Variants in RASAL2 observed in about 807,000 individuals in gnomAD.
RASAL2 encodes RAS protein activator like 2, also known as ras GTPase-activating protein nGAP.
RASAL2 carries 58 observed loss-of-function variants against 128.9 expected under a neutral mutation model. The ratio of observed to expected loss-of-function variants is 0.45; its 90% CI spans 0.36 to 0.56. RASAL2 has a LOEUF of 0.56. RASAL2 is among the 20% of genes least tolerant of loss of function. The pLI is 0.00. For missense variants in RASAL2, 1,360 were observed against 1,601.6 expected (o/e 0.85, Z 2.57); for synonymous variants, 561 against 580.8 (o/e 0.97, Z 0.49).
intron 1 of RASAL2, among the ~76,000 whole-genome samples, chr1:178,227,642 C>G (rs78148234): frequency 0.058 from 8,750 of 152,170 alleles, 294 homozygotes; most frequent in South Asian, 0.077. Flanking sequence ...GGTAGGTGCT[C>G]AATAACTATT....
intron 3 of RASAL2, among the ~76,000 whole-genome samples, chr1:178,311,516 A>G (rs1393492486): frequency 2.6e-5 from 4 of 152,044 alleles, no homozygotes; most frequent in African/African-American, 4.8e-5. Flanking sequence ...CCACCTTAGT[A>G]TAAGACTCCA....
rs1166647419 is a variant in RASAL2, at chr1:178,120,560, A to G, written c.202+25866A>G. The stretch of plus-strand genomic sequence containing the variant: ...TGCGGCTGTACCATTGATGTACATC[A>G]ACTCACTGTCACTATAAAGCCTGCC... On this transcript the variant is annotated intron_variant, in intron 1 of 17. Transcript: ENST00000367649. Among the ~76,000 whole-genome samples, 2 of 152,188 alleles carry G rather than the reference A, an allele frequency of 1.3e-5. 1 individual carries two copies. Among genetic ancestry groups the G allele is most frequent in the Admixed American group, 1.3e-4 (2 of 15,280 alleles).
rs779804443 is a variant in RASAL2, at chr1:178,445,668, A to G, written c.1627+6A>G. 1 of 1,598,790 alleles carries G rather than the reference A, an allele frequency of 6.3e-7. No individual in the cohort carries two copies. Among genetic ancestry groups the G allele is most frequent in the East Asian group, 2.2e-5 (1 of 44,606 alleles). On this transcript the variant is annotated splice_donor_region_variant and intron_variant, in intron 9 of 17. Coordinates refer to ENST00000367649, the MANE Select transcript of RASAL2 (RefSeq NM_170692.4). ...GTATCTTCATGACGCACTGGGTATG[A>G]AAGAGAAAAACATCTATTTTCTTTT...
At chr1:178,173,901 C>CTTT (rs201900537) in intron 1 of RASAL2, among the ~76,000 whole-genome samples, 1 of 34,034 alleles carries the variant, frequency 2.9e-5, no homozygotes, top group Non-Finnish European at 9.4e-5. Flanking sequence ...GAAAAACAAG[C>CTTT]TTTTTTTTTT....
At chr1:178,418,380 G>A (rs1391771302) in intron 4 of RASAL2, among the ~76,000 whole-genome samples, 4 of 152,150 alleles carry the variant, frequency 2.6e-5, no homozygotes, top group Non-Finnish European at 2.9e-5. Context: ...AGGTGGAAGT[G>A]AATCATAAAG....
Position 178,457,828 on chromosome 1 carries a change from C to A in RASAL2, c.2536C>A (p.Arg846=). The A allele has an allele frequency of 6.2e-7, 1 of 1,614,172 alleles. No individual in the cohort carries two copies. The highest frequency in any genetic ancestry group is 8.5e-7 in the Non-Finnish European group (1 of 1,180,024). The part of the protein sequence containing the change: ...DERESSLPNG[R]SVSLMDLQDT... ...AAGGGAAAGTAGCCTTCCTAATGGT[C>A]GGAGCGTCTCCCTCATGGACCTCCA... The change falls in exon 14 of 18, where the codon CGG becomes AGG. Residue 846 remains arginine (R), a synonymous_variant. Coordinates refer to ENST00000367649, the MANE Select transcript of RASAL2 (RefSeq NM_170692.4).
chr1:178,295,757 C>T (rs1478604418), intron 2 of RASAL2, among the ~76,000 whole-genome samples: 9 of 152,104 alleles, frequency 5.9e-5, no homozygotes, highest in African/African-American at 2.2e-4. Context: ...GTACCTAGAC[C>T]GCTTGTTTTG....
At chr1:178,141,050 C>G (rs1347973168) in intron 1 of RASAL2, among the ~76,000 whole-genome samples, 1 of 152,150 alleles carries the variant, frequency 6.6e-6, no homozygotes, top group East Asian at 1.9e-4. Context: ...TTTAAACAGC[C>G]AGGTCTTATG....
At chr1:178,215,901 A>C (rs1373146520) in intron 1 of RASAL2, among the ~76,000 whole-genome samples, 1 of 152,202 alleles carries the variant, frequency 6.6e-6, no homozygotes, top group Non-Finnish European at 1.5e-5. Context: ...ATATGAGAAA[A>C]AAGATCCAAG....
At chr1:178,142,009 T>C (rs1660551023) in intron 1 of RASAL2, among the ~76,000 whole-genome samples, 1 of 151,672 alleles carries the variant, frequency 6.6e-6, no homozygotes, top group South Asian at 2.1e-4. Flanking sequence ...ATGGAGGAGG[T>C]GCAGTGAGAG....
chr1:178,094,782 G>T (rs1408426971), intron 1 of RASAL2, 88 bp downstream of exon 1: 1 of 1,485,334 alleles, frequency 6.7e-7, no homozygotes, highest in Non-Finnish European at 9.2e-7. Flanking sequence ...CTCATTCCCA[G>T]TCCTCATCCG....
intron 5 of RASAL2, among the ~76,000 whole-genome samples, chr1:178,438,881 C>CTGTGTGTG (rs3042589): frequency 0.041 from 5,257 of 129,342 alleles, 163 homozygotes; most frequent in East Asian, 0.099. Context: ...AGCTTCGACT[C>CTGTGTGTG]TGTGTGTGTG....
chr1:178,296,357 GT>G (rs1667507617), intron 2 of RASAL2, among the ~76,000 whole-genome samples: 1 of 151,792 alleles, frequency 6.6e-6, no homozygotes, highest in African/African-American at 2.4e-5. Context: ...AAAGTGCTCG[GT>G]TTTGTTTGTT....
intron 3 of RASAL2, among the ~76,000 whole-genome samples, chr1:178,352,418 C>T (rs1314877779): frequency 6.6e-6 from 1 of 152,190 alleles, no homozygotes; most frequent in African/African-American, 2.4e-5. Flanking sequence ...TTTCCTACAT[C>T]CAGGACACAC....
chr1:178,456,985 T>C, intron 13 of RASAL2, 86 bp downstream of exon 13: 1 of 1,399,174 alleles, frequency 7.1e-7, no homozygotes, highest in Non-Finnish European at 9.8e-7. Flanking sequence ...TTGTTGAATT[T>C]ACAAGTTTAA....
chr1:178,424,315 T>G (rs1283898588), intron 5 of RASAL2, among the ~76,000 whole-genome samples: 2 of 152,018 alleles, frequency 1.3e-5, no homozygotes, highest in African/African-American at 4.8e-5. Flanking sequence ...CAATCTCGGC[T>G]CATTGCAACC....
intron 4 of RASAL2, among the ~76,000 whole-genome samples, chr1:178,417,462 A>G: frequency 6.6e-6 from 1 of 152,228 alleles, no homozygotes; most frequent in Non-Finnish European, 1.5e-5. Context: ...ATGAGGTATG[A>G]TATGATATGT....
chr1:178,289,860 C>G (rs1255561249), intron 2 of RASAL2, among the ~76,000 whole-genome samples: 5 of 152,198 alleles, frequency 3.3e-5, no homozygotes, highest in African/African-American at 1.2e-4. Context: ...CAGGCATGTT[C>G]CTCCCTAAGG....
chr1:178,419,605 C>T (rs960333287), intron 4 of RASAL2, among the ~76,000 whole-genome samples: 3 of 152,092 alleles, frequency 2.0e-5, no homozygotes, highest in Admixed American at 6.6e-5. Context: ...TTTTAATATG[C>T]TTCTATAAGA....
Sources: allele counts gnomAD v4.1 joint callset (sites outside exome capture counted in the v4.1 genomes callset), GRCh38; gene constraint gnomAD v4.1.1; transcripts MANE v1.5; gene names NCBI Gene and HGNC (gene_info 2026-07-23, HGNC 2026-07-21).